Variants in CAMSAP3 observed in about 807,000 individuals in gnomAD.
The protein encoded by CAMSAP3 is calmodulin-regulated spectrin-associated protein 3.
A neutral mutation model predicts 112.5 loss-of-function variants in CAMSAP3; 34 were observed. The observed-to-expected ratio is 0.30, with a 90% confidence interval of 0.23 to 0.40. The LOEUF is 0.40. Ranked by LOEUF, CAMSAP3 falls within the 10% of genes least tolerant of loss-of-function variation. The pLI, the probability that CAMSAP3 is intolerant of heterozygous loss-of-function variation, is 1.00. For synonymous variants in CAMSAP3, 868 were observed against 799.8 expected (o/e 1.09, Z -1.44); for missense variants, 1,602 against 1,770.3 (o/e 0.90, Z 1.71).
chr19:7,612,126 G>A lies in CAMSAP3; in HGVS notation c.1633G>A (p.Glu545Lys), dbSNP rs376504713. 1 of 1,612,620 alleles carries A rather than the reference G, an allele frequency of 6.2e-7. No homozygotes were observed. The highest frequency in any genetic ancestry group is 1.1e-5 in the South Asian group (1 of 91,070). Residue 545 changes from glutamate (E) to lysine (K), a missense_variant, in exon 11 of 17, where the codon GAG becomes AAG. Transcript: ENST00000160298. Reference sequence around the variant, plus strand: ...GGCATCGAAACCGCCAGCCCCATCCGAGGGGTCCCCGAAGGCGGTGGCTTC... The same window carrying A: ...GGCATCGAAACCGCCAGCCCCATCCAAGGGGTCCCCGAAGGCGGTGGCTTC... ...GEASKPPAPS[E>K]GSPKAVASSP... is the part of the protein sequence containing the mutation.
chr19:7,614,449 T>G (rs1180478796), intron 11 of CAMSAP3, among the ~76,000 whole-genome samples: 1 of 150,526 alleles, frequency 6.6e-6, no homozygotes, highest in African/African-American at 2.4e-5. Context: ...TGGGTTTAAG[T>G]GATTCTCTTG....
chr19:7,604,407 T>A (rs1165456514), intron 1 of CAMSAP3, among the ~76,000 whole-genome samples: 1 of 152,102 alleles, frequency 6.6e-6, no homozygotes, highest in African/African-American at 2.4e-5. Context: ...GCCTCAAGGA[T>A]GTCCTCAAAG....
rs1241777993 is a variant in CAMSAP3, at chr19:7,612,257, C to T, written c.1764C>T (p.Ser588=). The T allele has an allele frequency of 1.3e-6, 2 of 1,591,452 alleles. No individual in the cohort carries two copies. Among genetic ancestry groups the T allele is most frequent in the African/African-American group, 1.3e-5 (1 of 74,400 alleles). ...EAEAGAGSPT[S]TPAPPEALSS... is the part of the protein sequence containing the mutation. ...AGGCCGGAGCGGGGTCCCCCACGTC[C>T]ACTCCGGCCCCGCCGGAGGCCCTGA... Residue 588 remains serine, a synonymous_variant, in exon 11 of 17, where the codon TCC becomes TCT. Coordinates refer to ENST00000160298, the MANE Select transcript of CAMSAP3 (RefSeq NM_020902.2).
chr19:7,596,121 G>T lies in CAMSAP3; in HGVS notation c.119G>T (p.Trp40Leu). The stretch of plus-strand genomic sequence containing the variant: ...GCCAAGGCGGCGGCCAGCCTGGCGT[G>T]GGTGCTGCGGGCCGCGTTCGGGGGC... The part of the protein sequence containing the change: ...SRAKAAASLA[W>L]VLRAAFGGAE... The change falls in exon 1 of 17, where the codon TGG becomes TTG. Residue 40 changes from tryptophan (W) to leucine (L), a missense_variant. By Grantham distance (61) the Trp-to-Leu change is moderately conservative (BLOSUM62 -2). Transcript: ENST00000160298. The T allele has an allele frequency of 1.6e-6, 2 of 1,222,934 alleles. No homozygotes were observed. The highest frequency in any genetic ancestry group is 5.9e-5 in the East Asian group (1 of 16,862). The allele number at this position is 1,222,934 out of a possible 1,614,324, so 75.8% of individuals were successfully genotyped here. A position where few individuals can be genotyped will look rare whatever the true frequency, so the allele number is the denominator to read the frequency against.
chr19:7,606,264 C>T lies in CAMSAP3; in HGVS notation c.403-7C>T. 2 of 1,613,126 alleles carry T rather than the reference C, an allele frequency of 1.2e-6. No individual in the cohort carries two copies. The highest frequency in any genetic ancestry group is 1.7e-6 in the Non-Finnish European group (2 of 1,179,962). The stretch of plus-strand genomic sequence containing the variant: ...CAGGTCTCACCCTCTAGCGCTTGCC[C>T]CCACAGGGAGCCCACCTAGCTGTCA... On this transcript the variant is annotated splice_region_variant and splice_polypyrimidine_tract_variant and intron_variant, in intron 2 of 16. Coordinates refer to ENST00000160298, the MANE Select transcript of CAMSAP3 (RefSeq NM_020902.2).
chr19:7,612,800 C>T lies in CAMSAP3; in HGVS notation c.2307C>T (p.Ser769=), dbSNP rs1312614585. 6 of 1,541,576 alleles carry T rather than the reference C, an allele frequency of 3.9e-6. No homozygotes were observed. The African/African-American group carries it at 6.9e-5, about 18-fold the overall frequency. ...PARRVPATRR[S]PGPGPSQSPR... ...GGCGAGTCCCGGCCACCCGGCGCAG[C>T]CCTGGGCCCGGGCCCAGCCAGTCAC... Residue 769 remains serine, a synonymous_variant, in exon 11 of 17, where the codon AGC becomes AGT. Transcript: ENST00000160298.
At chr19:7,600,848 A>C (rs949599098) in intron 1 of CAMSAP3, among the ~76,000 whole-genome samples, 3 of 123,980 alleles carry the variant, frequency 2.4e-5, no homozygotes, top group Non-Finnish European at 5.1e-5. Context: ...CTACCCATTC[A>C]TCCATCCATC....
rs762386050 is a variant in CAMSAP3 at position 7,611,124 on chromosome 19, T to A, written c.1079T>A (p.Leu360His). The change falls in exon 9 of 17, where the codon CTT becomes CAT. Residue 360 changes from leucine (L) to histidine (H), a missense_variant. Transcript: ENST00000160298. The surrounding 1 kb of genome is among the most constrained non-coding windows in gnomAD (Gnocchi z 6.9). The part of the protein sequence containing the change: ...SSPVFTFRHP[L>H]LSSGGPQSPL... ...CCTGTCTTCACCTTCCGCCACCCGCTTCTGTCATCTGGTGGCCCCCAGTCC... is the reference window on the plus strand; with the variant it reads ...CCTGTCTTCACCTTCCGCCACCCGCATCTGTCATCTGGTGGCCCCCAGTCC... 2 of 1,613,624 alleles carry A rather than the reference T, an allele frequency of 1.2e-6. No individual in the cohort carries two copies. The highest frequency in any genetic ancestry group is 4.5e-5 in the East Asian group (2 of 44,892).
At position 7,606,403 on chromosome 19, in the gene CAMSAP3, G is replaced by A; in HGVS notation, c.525+10G>A. 6.2e-7 allele frequency: 1 copy of A among 1,612,386 alleles called. No individual in the cohort carries two copies. The highest frequency in any genetic ancestry group is 8.5e-7 in the Non-Finnish European group (1 of 1,179,076). Reference sequence around the variant, plus strand: ...TTTCTGGGTGGACACGGTAGGTGGGGTTGGGCCTGGGGTGGGTTCGGGGAC... The same window carrying A: ...TTTCTGGGTGGACACGGTAGGTGGGATTGGGCCTGGGGTGGGTTCGGGGAC... On this transcript the variant is annotated intron_variant, in intron 3 of 16. Transcript: ENST00000160298.
rs1475308525 is a variant in CAMSAP3 at position 7,615,172 on chromosome 19, T to C, written c.2671-11T>C. On this transcript the variant is annotated splice_polypyrimidine_tract_variant and intron_variant, in intron 11 of 16. Coordinates refer to ENST00000160298, the MANE Select transcript of CAMSAP3 (RefSeq NM_020902.2). The surrounding 1 kb of genome is among the most constrained non-coding windows in gnomAD (Gnocchi z 6.5). ...AGGGGGTGGCTGGCTGGACTCGGCG[T>C]CTGTCCCCAGGATGAAGACAAGCCT... The C allele has an allele frequency of 6.4e-7, 1 of 1,554,036 alleles. No individual in the cohort carries two copies. Among genetic ancestry groups the C allele is most frequent in the Admixed American group, 1.9e-5 (1 of 51,440 alleles).
In CAMSAP3 at chr19:7,611,809, G is replaced by T; in HGVS notation, c.1316G>T (p.Arg439Leu). 1 of 1,594,216 alleles carries T rather than the reference G, an allele frequency of 6.3e-7. No homozygotes were observed. Among genetic ancestry groups the T allele is most frequent in the Middle Eastern group, 1.7e-4 (1 of 5,988 alleles). Residue 439 changes from arginine (R) to leucine (L), a missense_variant, in exon 11 of 17, where the codon CGT (arginine) becomes CTT (leucine). Physicochemically the swap from Arg to Leu is moderately radical, Grantham distance 102. Coordinates refer to ENST00000160298, the MANE Select transcript of CAMSAP3 (RefSeq NM_020902.2). This position sits in a 1 kb window ranked among gnomAD's most constrained non-coding sequence, Gnocchi z 6.9. ...SVSSDSLGPP[R>L]PAPARTPTQP... ...AGCTCGGACAGCCTGGGCCCCCCGCGTCCCGCGCCGGCCAGGACCCCCACC... is the reference window on the plus strand; with the variant it reads ...AGCTCGGACAGCCTGGGCCCCCCGCTTCCCGCGCCGGCCAGGACCCCCACC...
Position 7,611,616 on chromosome 19 carries a change from G to A in CAMSAP3, c.1193+30G>A. 6.2e-7 allele frequency: 1 copy of A among 1,606,804 alleles called. No individual in the cohort carries two copies. Among genetic ancestry groups the A allele is most frequent in the Admixed American group, 1.7e-5 (1 of 59,116 alleles). Reference sequence around the variant, plus strand: ...GTAGACCTCACAGGCCAGGGTAGGGGGTGGAGCAGGCTAGGGCGGGTTGGG... The same window carrying A: ...GTAGACCTCACAGGCCAGGGTAGGGAGTGGAGCAGGCTAGGGCGGGTTGGG... On this transcript the variant is annotated intron_variant, in intron 10 of 16. Coordinates refer to ENST00000160298, the MANE Select transcript of CAMSAP3 (RefSeq NM_020902.2). The surrounding 1 kb of genome is among the most constrained non-coding windows in gnomAD (Gnocchi z 6.9).
In CAMSAP3 at chr19:7,611,163, C is replaced by T. The variant is rs752531130; in HGVS notation, c.1118C>T (p.Ser373Phe). The change falls in exon 9 of 17, where the codon TCC becomes TTC. Residue 373 changes from serine to phenylalanine, a missense_variant. Physicochemically the swap from Ser to Phe is radical, Grantham distance 155 (BLOSUM62 -2). Around this residue, in one of 6 missense-constraint regions of CAMSAP3, gnomAD observed 1,100 missense variants for 1,135.7 expected, o/e 0.97. Coordinates refer to ENST00000160298, the MANE Select transcript of CAMSAP3 (RefSeq NM_020902.2). This position sits in a 1 kb window ranked among gnomAD's most constrained non-coding sequence, Gnocchi z 6.9. ...SGGPQSPLRG[S>F]TGSLKSSPSM... ...GGCCCCCAGTCCCCACTCCGAGGAT[C>T]CACAGGTGAGGAGGGGGTAGGTGGC... is the stretch of plus-strand genomic sequence containing the variant. 1 of 1,613,452 alleles carries T rather than the reference C, an allele frequency of 6.2e-7. No homozygotes were observed. The highest frequency in any genetic ancestry group is 1.3e-5 in the African/African-American group (1 of 75,022).
intron 4 of CAMSAP3, chr19:7,606,882 G>A: frequency 6.4e-7 from 1 of 1,554,460 alleles, no homozygotes; most frequent in Admixed American, 1.7e-5. Flanking sequence ...GTCTGTTTCT[G>A]CCTGCCTGTC....
intron 2 of CAMSAP3, among the ~76,000 whole-genome samples, 163 bp downstream of exon 2, chr19:7,605,642 C>T (rs1490414067): frequency 6.6e-6 from 1 of 151,590 alleles, no homozygotes; most frequent in African/African-American, 2.4e-5. Context: ...TTGGCTCCTC[C>T]CCCAGGTTCC....
Position 7,607,924 on chromosome 19 carries a change from T to G in CAMSAP3, c.622-202T>G, listed in dbSNP as rs529751395. 2.4e-6 allele frequency: 2 copies of G among 816,360 alleles called. No individual in the cohort carries two copies. The highest frequency in any genetic ancestry group is 2.1e-6 in the Non-Finnish European group (1 of 480,890). The allele number at this position is 816,360 out of a possible 1,614,324, so 50.6% of individuals were successfully genotyped here. A position where few individuals can be genotyped will look rare whatever the true frequency, so the allele number is the denominator to read the frequency against. On this transcript the variant is annotated intron_variant, in intron 4 of 16. Transcript: ENST00000160298. This position sits in a 1 kb window ranked among gnomAD's most constrained non-coding sequence, Gnocchi z 4.9. ...AGTCCCTGTCCCCAGCCCCCGCTGC[T>G]GGCCTGGCTGCTCGAAGACATCTCC...
In CAMSAP3 at chr19:7,607,174, G is replaced by A. The variant is rs544974197; in HGVS notation, c.621+603G>A. ...GAGACCACATAAATTTCTGAAGGGG[G>A]GACCTGCAGCCCATCACAAACGTGG... On this transcript the variant is annotated intron_variant, in intron 4 of 16. Coordinates refer to ENST00000160298, the MANE Select transcript of CAMSAP3 (RefSeq NM_020902.2). The surrounding 1 kb of genome is among the most constrained non-coding windows in gnomAD (Gnocchi z 4.9). Among the ~76,000 whole-genome samples, 9 of 152,246 alleles carry A rather than the reference G, an allele frequency of 5.9e-5. No individual in the cohort carries two copies. The South Asian group carries it at 1.9e-3, about 32-fold the overall frequency.
chr19:7,612,291 ATGAG>A lies in CAMSAP3; in HGVS notation c.1803_1806del (p.Glu602SerfsTer80). The A allele has an allele frequency of 6.2e-7, 1 of 1,602,860 alleles. No individual in the cohort carries two copies. Among genetic ancestry groups the A allele is most frequent in the Non-Finnish European group, 8.5e-7 (1 of 1,175,646 alleles). Reference sequence around the variant, plus strand: ...CCCGCCGGAGGCCCTGAGCTCGGAGATGAGTGAGCTCAGCGCCCGGCTGGAGGAG... The same window carrying A: ...CCCGCCGGAGGCCCTGAGCTCGGAGATGAGCTCAGCGCCCGGCTGGAGGAG... On this transcript the variant is annotated frameshift_variant, in exon 11 of 17. Transcript: ENST00000160298. LOFTEE classifies it high-confidence loss of function.
At chr19:7,596,285 C>T (rs1295492237) in intron 1 of CAMSAP3, 135 bp downstream of exon 1, 8 of 299,354 alleles carry the variant, frequency 2.7e-5, no homozygotes, top group Non-Finnish European at 3.5e-5. Context: ...TCCCCGGGCT[C>T]GGGCCCCTGC....
Sources: gnomAD v4.1 joint callset for allele counts (sites outside exome capture counted in the v4.1 genomes callset) on GRCh38, gnomAD v4.1.1 for gene constraint, gnomAD v4.1.1 regional missense constraint, Gnocchi (gnomAD v3.1) non-coding constraint, MANE v1.5 for transcripts, NCBI Gene and HGNC (gene_info 2026-07-23, HGNC 2026-07-21) for gene names.